Variants in DDX19B observed in about 807,000 individuals in gnomAD.
DDX19B encodes ATP-dependent RNA helicase DDX19B.
A neutral mutation model predicts 58.1 loss-of-function variants in DDX19B; 27 were observed. The observed-to-expected ratio is 0.46, with a 90% CI of 0.34 to 0.64. The LOEUF is 0.64. Among genes scored for constraint, DDX19B ranks in the 30% least tolerant of loss-of-function variants. The probability of loss-of-function intolerance (pLI) is 0.01; values close to 1 mark genes in which losing one functional copy is unlikely to be tolerated. For missense variants in DDX19B, 399 were observed against 596.5 expected (o/e 0.67, Z 3.45); for synonymous variants, 187 against 214.4 (o/e 0.87, Z 1.12).
upstream of DDX19B, among the ~76,000 whole-genome samples, chr16:70,294,612 T>G (rs1961153824): frequency 6.6e-6 from 1 of 152,200 alleles, no homozygotes; most frequent in Admixed American, 6.5e-5. Flanking sequence ...TGCCCTGCCC[T>G]CATGGAGTTC....
At chr16:70,326,116 C>A (rs1963128284) in intron 7 of DDX19B, among the ~76,000 whole-genome samples, 1 of 152,194 alleles carries the variant, frequency 6.6e-6, no homozygotes, top group African/African-American at 2.4e-5. Flanking sequence ...AATTGTACCC[C>A]TACCTTTTTC....
At chr16:70,294,813 G>T (rs1961160817), upstream of DDX19B, 1 of 1,459,502 alleles carries the variant, frequency 6.9e-7, no homozygotes, top group Middle Eastern at 1.8e-4. Flanking sequence ...AAGAGCAGCG[G>T]TTGTTGGAGT....
chr16:70,303,909 A>G (rs888934936), intron 1 of DDX19B, among the ~76,000 whole-genome samples: 4 of 151,952 alleles, frequency 2.6e-5, no homozygotes, highest in African/African-American at 9.7e-5. Context: ...CAAGATATAC[A>G]CCTTATCCAA....
chr16:70,302,527 C>T (rs1176560551), intron 1 of DDX19B, among the ~76,000 whole-genome samples: 1 of 152,144 alleles, frequency 6.6e-6, no homozygotes, highest in East Asian at 1.9e-4. Flanking sequence ...GCTTCTTCCA[C>T]TTAGTATTAT....
upstream of DDX19B, among the ~76,000 whole-genome samples, chr16:70,293,698 G>A (rs1006737872): frequency 5.0e-5 from 7 of 140,004 alleles, no homozygotes; most frequent in South Asian, 4.6e-4. Flanking sequence ...TGCAAGCTCC[G>A]CTTCCTGGGT....
intron 4 of DDX19B, among the ~76,000 whole-genome samples, chr16:70,316,450 C>T (rs1034291493): frequency 6.6e-6 from 1 of 152,102 alleles, no homozygotes; most frequent in African/African-American, 2.4e-5. Flanking sequence ...ACTCATGATC[C>T]ACTTGCCTCG....
In DDX19B at chr16:70,324,703, T is replaced by A. The variant is rs752235492; in HGVS notation, c.492+16T>A. On this transcript the variant is annotated intron_variant, in intron 6 of 11. Coordinates refer to ENST00000288071, the MANE Select transcript of DDX19B (RefSeq NM_007242.7). ...ATACCCCCAGGTAAGGATTTATGAA[T>A]TTAGGTTTTCTACTAATGCATAGAT... The A allele has an allele frequency of 6.9e-6, 11 of 1,602,920 alleles. No homozygotes were observed. Among genetic ancestry groups the A allele is most frequent in the Admixed American group, 3.5e-5 (2 of 56,862 alleles).
intron 1 of DDX19B, among the ~76,000 whole-genome samples, chr16:70,305,424 A>C (rs998177229): frequency 1.3e-5 from 2 of 152,232 alleles, no homozygotes; most frequent in African/African-American, 2.4e-5. Flanking sequence ...TTGTTAACTG[A>C]GTAAATGAAC....
At chr16:70,314,330 T>C (rs932322826) in intron 2 of DDX19B, among the ~76,000 whole-genome samples, 8 of 151,940 alleles carry the variant, frequency 5.3e-5, no homozygotes, top group African/African-American at 1.9e-4. Flanking sequence ...AAATAACAGG[T>C]TTTGAGGTAC....
chr16:70,326,693 T>C (rs1963166135), intron 7 of DDX19B, among the ~76,000 whole-genome samples: 1 of 150,704 alleles, frequency 6.6e-6, no homozygotes, highest in Admixed American at 6.6e-5. Context: ...CCTGCCACCA[T>C]GGCTGGCTAA....
intron 8 of DDX19B, 108 bp downstream of exon 8, chr16:70,329,577 T>G: frequency 6.7e-7 from 1 of 1,497,944 alleles, no homozygotes; most frequent in Non-Finnish European, 9.1e-7. Flanking sequence ...GCTCTCGTAC[T>G]CTCAGCAGCA....
intron 2 of DDX19B, among the ~76,000 whole-genome samples, chr16:70,313,915 CCTGA>C (rs541719124): frequency 1.3e-4 from 19 of 151,942 alleles, no homozygotes; most frequent in East Asian, 3.9e-4. Context: ...TTGAAACCAG[CCTGA>C]CTAACATGGT....
At chr16:70,305,361 T>C (rs1402536664) in intron 1 of DDX19B, among the ~76,000 whole-genome samples, 4 of 152,214 alleles carry the variant, frequency 2.6e-5, no homozygotes, top group Non-Finnish European at 5.9e-5. Context: ...ATCCCCTCCC[T>C]TAACTGTGGT....
At chr16:70,326,230 T>C (rs896268731) in intron 7 of DDX19B, among the ~76,000 whole-genome samples, 5 of 152,186 alleles carry the variant, frequency 3.3e-5, no homozygotes, top group Admixed American at 6.6e-5. Context: ...TCCCAGCCCT[T>C]TGGGAGGCCG....
upstream of DDX19B, chr16:70,289,963 G>T (rs1459210487): frequency 3.0e-6 from 1 of 329,342 alleles, no homozygotes. Context: ...ACTTGTCCGG[G>T]GGAGACCTTG....
At position 70,317,459 on chromosome 16, in the gene DDX19B, A is replaced by G. The variant is rs780658287; in HGVS notation, c.297-37A>G. The G allele has an allele frequency of 2.6e-6, 4 of 1,545,190 alleles. No individual in the cohort carries two copies. The Admixed American group carries it at 5.2e-5, about 20-fold the overall frequency. On this transcript the variant is annotated intron_variant, in intron 4 of 11. Coordinates refer to ENST00000288071, the MANE Select transcript of DDX19B (RefSeq NM_007242.7). ...GATATTTTGCTGCTTTCCTCAACCA[A>G]AGAGACTGTGACTTTCATCTTTAAC...
At chr16:70,303,891 T>C (rs1483679294) in intron 1 of DDX19B, among the ~76,000 whole-genome samples, 2 of 151,940 alleles carry the variant, frequency 1.3e-5, no homozygotes, top group East Asian at 1.9e-4. Flanking sequence ...TTAGTTCTTT[T>C]TGTGTTCCAA....
upstream of DDX19B, among the ~76,000 whole-genome samples, chr16:70,291,885 C>A (rs1961068672): frequency 6.6e-6 from 1 of 151,850 alleles, no homozygotes; most frequent in Non-Finnish European, 1.5e-5. Context: ...CAGAGACTCA[C>A]ACCTGTAATC....
chr16:70,325,766 T>A, intron 7 of DDX19B, 78 bp downstream of exon 7: 1 of 1,062,420 alleles, frequency 9.4e-7, no homozygotes, highest in Non-Finnish European at 1.5e-6. Context: ...ACCCAATAGT[T>A]GAAATAATAC....
Sources: allele counts gnomAD v4.1 joint callset (sites outside exome capture counted in the v4.1 genomes callset), GRCh38; gene constraint gnomAD v4.1.1; transcripts MANE v1.5; gene names NCBI Gene and HGNC (gene_info 2026-07-23, HGNC 2026-07-21).